The following RFXAP variants were observed in gnomAD, a reference collection of about 807,000 sequenced individuals.
The protein encoded by RFXAP is regulatory factor X-associated protein.
Under a neutral mutation model 25.7 loss-of-function variants are expected in RFXAP, and 21 were observed. The observed-to-expected ratio is 0.82, with a 90% CI of 0.58 to 1.18. The LOEUF (loss-of-function observed/expected upper bound fraction) is 1.18. Among genes scored for constraint, RFXAP ranks in the 50% most tolerant of loss-of-function variants. The probability of loss-of-function intolerance (pLI) is 0.00; values close to 1 mark genes in which losing one functional copy is unlikely to be tolerated. For synonymous variants in RFXAP, 161 were observed against 152.2 expected, an observed-to-expected ratio of 1.06 and a Z score of -0.43; for missense variants, 333 against 363.0, an observed-to-expected ratio of 0.92 and a Z score of 0.67.
At chr13:36,824,163 C>T (rs776140469) in intron 1 of RFXAP, among the ~76,000 whole-genome samples, 7 of 152,090 alleles carry the variant, frequency 4.6e-5, no homozygotes, top group Non-Finnish European at 8.8e-5. Context: ...TGTGAATTAA[C>T]CTTTTGAATT....
chr13:36,827,233 T>G (rs2057981102), intron 2 of RFXAP, among the ~76,000 whole-genome samples: 1 of 152,186 alleles, frequency 6.6e-6, no homozygotes, highest in South Asian at 2.1e-4. Flanking sequence ...CTAGTTTGTA[T>G]GTATGTACAA....
chr13:36,825,346 T>C lies in RFXAP; in HGVS notation c.601-82T>C, dbSNP rs191745478. 1.4e-4 allele frequency: 142 copies of C among 1,049,478 alleles called. No homozygotes were observed. In the Admixed American group the frequency reaches 2.4e-3, roughly 18 times the overall value. 65.0% of individuals were successfully genotyped at this position (1,049,478 alleles called of 1,614,324 possible). A position where few individuals can be genotyped will look rare whatever the true frequency, so the allele number is the denominator to read the frequency against. On this transcript the variant is annotated intron_variant, in intron 1 of 2. Coordinates refer to ENST00000255476, the MANE Select transcript of RFXAP (RefSeq NM_000538.4). ...AAGAAGGAAGAAATGCAAAGACCTG[T>C]TCATTACATCTTTGAAATACCTGTA...
chr13:36,819,549 C>A lies in RFXAP; in HGVS notation c.192C>A (p.Ser64Arg). The change falls in exon 1 of 3, where the codon AGC becomes AGA. Residue 64 changes from serine (S) to arginine (R), a missense_variant. Transcript: ENST00000255476. Reference protein sequence around the residue: ...GQDEAAAPGGSVGAGKPVRYL... With the variant: ...GQDEAAAPGGRVGAGKPVRYL... ...ACGAGGCTGCGGCCCCCGGGGGCAG[C>A]GTTGGGGCGGGCAAGCCCGTTAGGT... is the stretch of plus-strand genomic sequence containing the variant. The A allele has an allele frequency of 6.6e-7, 1 of 1,524,658 alleles. No homozygotes were observed. The allele number at this position is 1,524,658 out of a possible 1,614,324, so 94.4% of individuals were successfully genotyped here. A position where few individuals can be genotyped will look rare whatever the true frequency, so the allele number is the denominator to read the frequency against.
In RFXAP at chr13:36,827,989, G is replaced by T; in HGVS notation, c.*236G>T. The T allele has an allele frequency of 2.1e-6, 1 of 482,092 alleles. No homozygotes were observed. Among genetic ancestry groups the T allele is most frequent in the Non-Finnish European group, 3.7e-6 (1 of 271,728 alleles). 29.9% of individuals were successfully genotyped at this position (482,092 alleles called of 1,614,324 possible). On this transcript the variant is annotated 3_prime_UTR_variant, in exon 3 of 3. Transcript: ENST00000255476. The stretch of plus-strand genomic sequence containing the variant: ...TTTCCAAATAACATTTAATTATAAT[G>T]TTTTTTAAAAAATATATTCCTCTTC...
rs1049663849 is a variant in RFXAP at position 36,819,384 on chromosome 13, C to G, written c.27C>G (p.Gly9=). MEAQGVAE[G]AGPGAASGVP... is the part of the protein sequence containing the mutation. ...TGGAGGCGCAGGGTGTAGCGGAGGG[C>G]GCGGGGCCGGGCGCCGCCAGCGGCG... Residue 9 remains glycine (G), a synonymous_variant, in exon 1 of 3, where the codon GGC becomes GGG. Transcript: ENST00000255476. 7.7e-7 allele frequency: 1 copy of G among 1,297,946 alleles called. No individual in the cohort carries two copies. The allele number at this position is 1,297,946 out of a possible 1,614,324, so 80.4% of individuals were successfully genotyped here.
Position 36,819,615 on chromosome 13 carries a change from G to T in RFXAP, c.258G>T (p.Gly86=). The change falls in exon 1 of 3, where the codon GGG becomes GGT. Residue 86 remains glycine, a synonymous_variant. Coordinates refer to ENST00000255476, the MANE Select transcript of RFXAP (RefSeq NM_000538.4). ...CCGGGGATGGCGAAGAGGAGGCTGG[G>T]GAGGACGAGGCGGACCTGTTAGACA... ...EGAGDGEEEA[G]EDEADLLDTS... The T allele has an allele frequency of 1.3e-6, 2 of 1,541,058 alleles. No individual in the cohort carries two copies. Among genetic ancestry groups the T allele is most frequent in the Non-Finnish European group, 1.8e-6 (2 of 1,140,136 alleles).
At chr13:36,827,584 G>A (rs2057982182) in intron 2 of RFXAP, 59 bp from the exon 3 acceptor site, 9 of 1,221,378 alleles carry the variant, frequency 7.4e-6, no homozygotes, top group Non-Finnish European at 1.1e-5. Flanking sequence ...TAATTAGCAT[G>A]AAAACAGTCT....
At chr13:36,822,022 C>T (rs2057964410) in intron 1 of RFXAP, among the ~76,000 whole-genome samples, 1 of 151,998 alleles carries the variant, frequency 6.6e-6, no homozygotes, top group African/African-American at 2.4e-5. Flanking sequence ...GTTTCTTCCT[C>T]AGTATGTTCC....
chr13:36,826,841 C>G (rs2138218347), intron 2 of RFXAP, among the ~76,000 whole-genome samples: 1 of 152,046 alleles, frequency 6.6e-6, no homozygotes, highest in East Asian at 1.9e-4. Context: ...AGATTTTTTT[C>G]TCTATAAATT....
chr13:36,820,007 G>T (rs776031964), intron 1 of RFXAP, 50 bp downstream of exon 1: 5 of 1,598,490 alleles, frequency 3.1e-6, no homozygotes, highest in South Asian at 2.3e-5. Flanking sequence ...GAAGAAACCC[G>T]ATCTTAACGC....
At chr13:36,826,435 G>T (rs1392120943) in intron 2 of RFXAP, among the ~76,000 whole-genome samples, 1 of 149,786 alleles carries the variant, frequency 6.7e-6, no homozygotes, top group African/African-American at 2.5e-5. Context: ...CAGTGATGTG[G>T]AGACTTTCAT....
Position 36,819,258 on chromosome 13 carries a change from T to G in RFXAP, c.-100T>G. 2 of 1,168,568 alleles carry G rather than the reference T, an allele frequency of 1.7e-6. No homozygotes were observed. Among genetic ancestry groups the G allele is most frequent in the Non-Finnish European group, 2.1e-6 (2 of 936,298 alleles). The allele number at this position is 1,168,568 out of a possible 1,614,324, so 72.4% of individuals were successfully genotyped here. A position where few individuals can be genotyped will look rare whatever the true frequency, so the allele number is the denominator to read the frequency against. ...GGGCGCCTTCCCGGTATAGGCGCCT[T>G]TTACCCCAGCGTGTCCTGAGTCTTT... On this transcript the variant is annotated 5_prime_UTR_variant, in exon 1 of 3. Transcript: ENST00000255476.
Position 36,828,945 on chromosome 13 carries a change from C to CT in RFXAP, c.*1193dup. 6.6e-6 allele frequency: 1 copy of CT among 152,216 alleles called. No individual in the cohort carries two copies. Among genetic ancestry groups the CT allele is most frequent in the Non-Finnish European group, 1.5e-5 (1 of 68,020 alleles). 9.4% of individuals were successfully genotyped at this position (152,216 alleles called of 1,614,324 possible). ...AAATTTGTTACTTGTTTTTTAAACT[C>CT]TATATATAAAGTTCGACTTAATCAT... is the stretch of plus-strand genomic sequence containing the variant. On this transcript the variant is annotated 3_prime_UTR_variant, in exon 3 of 3. Coordinates refer to ENST00000255476, the MANE Select transcript of RFXAP (RefSeq NM_000538.4).
chr13:36,820,049 T>C lies in RFXAP; in HGVS notation c.600+92T>C, dbSNP rs1180750770. The C allele has an allele frequency of 8.4e-6, 13 of 1,547,434 alleles. No individual in the cohort carries two copies. In the African/African-American group the frequency reaches 1.8e-4, roughly 21 times the overall value. On this transcript the variant is annotated intron_variant, in intron 1 of 2. Coordinates refer to ENST00000255476, the MANE Select transcript of RFXAP (RefSeq NM_000538.4). ...CATCTGCAGGGCCTGCCTCCCCACTTCCAAATGGGCCGGTTTGCAGTGACT... is the reference window on the plus strand; with the variant it reads ...CATCTGCAGGGCCTGCCTCCCCACTCCCAAATGGGCCGGTTTGCAGTGACT...
At position 36,819,480 on chromosome 13, in the gene RFXAP, C is replaced by T. The variant is rs764409673; in HGVS notation, c.123C>T (p.Ala41=). The change falls in exon 1 of 3, where the codon GCC becomes GCT. Residue 41 remains alanine, a synonymous_variant. Coordinates refer to ENST00000255476, the MANE Select transcript of RFXAP (RefSeq NM_000538.4). ...TLAPASVAAA[A]SQFTLLVMQP... is the part of the protein sequence containing the mutation. ...CGCCAGCCTCGGTGGCGGCCGCGGC[C>T]TCTCAATTCACCCTGCTAGTGATGC... 9.8e-6 allele frequency: 15 copies of T among 1,526,622 alleles called. No homozygotes were observed. The highest frequency in any genetic ancestry group is 2.6e-5 in the East Asian group (1 of 38,628). 94.6% of individuals were successfully genotyped at this position (1,526,622 alleles called of 1,614,324 possible).
At chr13:36,826,499 A>C (rs2057978371) in intron 2 of RFXAP, among the ~76,000 whole-genome samples, 1 of 152,254 alleles carries the variant, frequency 6.6e-6, no homozygotes. Flanking sequence ...TGGCACTTTC[A>C]GAAAGCAGTT....
At position 36,828,213 on chromosome 13, in the gene RFXAP, A is replaced by G. The variant is rs2057984464; in HGVS notation, c.*460A>G. 6.2e-6 allele frequency: 1 copy of G among 161,980 alleles called. No homozygotes were observed. Among genetic ancestry groups the G allele is most frequent in the African/African-American group, 2.4e-5 (1 of 41,512 alleles). 10.0% of individuals were successfully genotyped at this position (161,980 alleles called of 1,614,324 possible). A position where few individuals can be genotyped will look rare whatever the true frequency, so the allele number is the denominator to read the frequency against. On this transcript the variant is annotated 3_prime_UTR_variant, in exon 3 of 3. Coordinates refer to ENST00000255476, the MANE Select transcript of RFXAP (RefSeq NM_000538.4). ...TGCAGTGTCAGGGGTAGTCCCACAT[A>G]CTAAAGATTGTCTCACCCGCAGTGC...
chr13:36,820,843 G>C (rs961002351), intron 1 of RFXAP, among the ~76,000 whole-genome samples: 4 of 152,132 alleles, frequency 2.6e-5, no homozygotes, highest in Admixed American at 6.5e-5. Flanking sequence ...CATTAAAATC[G>C]TGTGTCATTC....
At chr13:36,821,280 G>A (rs922530356) in intron 1 of RFXAP, among the ~76,000 whole-genome samples, 5 of 148,876 alleles carry the variant, frequency 3.4e-5, no homozygotes, top group Non-Finnish European at 7.4e-5. Flanking sequence ...GTCCTAGGAT[G>A]TATTCTAAGT....
Sources: gnomAD v4.1 joint callset for allele counts (sites outside exome capture counted in the v4.1 genomes callset) on GRCh38, gnomAD v4.1.1 for gene constraint, MANE v1.5 for transcripts, NCBI Gene and HGNC (gene_info 2026-07-23, HGNC 2026-07-21) for gene names.